The following RSPO2 variants were observed in gnomAD, a reference collection of about 807,000 sequenced individuals.
The protein encoded by RSPO2 is R-spondin 2, also known as R-spondin-2.
Under a neutral mutation model 30.9 loss-of-function variants are expected in RSPO2, and 14 were observed. The ratio of observed to expected loss-of-function variants is 0.45; its 90% CI spans 0.30 to 0.71. The LOEUF is 0.71. Among genes scored for constraint, RSPO2 ranks in the 30% least tolerant of loss-of-function variants. The pLI, the probability that RSPO2 is intolerant of heterozygous loss-of-function variation, is 0.08. For synonymous variants in RSPO2, 107 were observed against 96.4 expected, an observed-to-expected ratio of 1.11 and a Z score of -0.64; for missense variants, 264 against 301.9, an observed-to-expected ratio of 0.87 and a Z score of 0.93.
At chr8:108,027,849 TC>T (rs1490707896) in intron 2 of RSPO2, among the ~76,000 whole-genome samples, 1 of 152,114 alleles carries the variant, frequency 6.6e-6, no homozygotes. Context: ...ACTCTAAGAG[TC>T]AATGTAACCT....
chr8:108,033,496 C>T (rs1489045526), intron 2 of RSPO2, among the ~76,000 whole-genome samples: 1 of 152,166 alleles, frequency 6.6e-6, no homozygotes, highest in African/African-American at 2.4e-5. Context: ...GAGGCAGGTG[C>T]CATGTCTTTT....
At chr8:107,930,063 A>G (rs1157914462) in intron 5 of RSPO2, among the ~76,000 whole-genome samples, 1 of 152,182 alleles carries the variant, frequency 6.6e-6, no homozygotes, top group Non-Finnish European at 1.5e-5. Context: ...TCCTTAGTGG[A>G]CTGACATTAT....
intron 2 of RSPO2, among the ~76,000 whole-genome samples, chr8:108,060,863 C>G (rs201830546): frequency 2.6e-5 from 4 of 151,460 alleles, no homozygotes; most frequent in South Asian, 2.1e-4. Context: ...AGCCAGAAGA[C>G]AGTGGGGGCC....
chr8:108,066,587 C>G (rs775781287), intron 2 of RSPO2, among the ~76,000 whole-genome samples: 2 of 152,038 alleles, frequency 1.3e-5, no homozygotes, highest in Non-Finnish European at 2.9e-5. Flanking sequence ...ACCCACTGTC[C>G]CAGCTAAACA....
intron 5 of RSPO2, among the ~76,000 whole-genome samples, chr8:107,946,549 T>C (rs1353484307): frequency 6.6e-6 from 1 of 152,164 alleles, no homozygotes; most frequent in East Asian, 1.9e-4. Flanking sequence ...TGAATCATAG[T>C]TGAAGCCACA....
At chr8:107,994,428 T>C (rs1393975456) in intron 2 of RSPO2, among the ~76,000 whole-genome samples, 1 of 152,010 alleles carries the variant, frequency 6.6e-6, no homozygotes, top group Admixed American at 6.6e-5. Flanking sequence ...TGATGGGACA[T>C]GGTGGGAGAA....
rs73700389 is a variant in RSPO2, at chr8:108,073,600, A to G, written c.94+8945T>C. ...CACCAGCTGGAAAGCTACAACAGCT[A>G]TTTCTAAAACTATATATTAACTGTT... On this transcript the variant is annotated intron_variant, in intron 2 of 5. Coordinates refer to ENST00000276659, the MANE Select transcript of RSPO2 (RefSeq NM_178565.5). Among the ~76,000 whole-genome samples the G allele has an allele frequency of 4.6e-3, 707 of 152,352 alleles. 4 individuals are homozygous for G. Among genetic ancestry groups the G allele is most frequent in the African/African-American group, 0.015 (616 of 41,584 alleles).
intron 3 of RSPO2, among the ~76,000 whole-genome samples, chr8:107,975,411 T>A (rs980511103): frequency 1.3e-5 from 2 of 152,206 alleles, no homozygotes; most frequent in African/African-American, 4.8e-5. Context: ...TAGTATTATC[T>A]CCGCTACATA....
chr8:108,049,965 C>T (rs1586658424), intron 2 of RSPO2, among the ~76,000 whole-genome samples: 1 of 152,142 alleles, frequency 6.6e-6, no homozygotes, highest in East Asian at 1.9e-4. Context: ...CTTTAAAATC[C>T]TAACATTTAG....
chr8:108,044,418 C>T (rs1811847802), intron 2 of RSPO2, among the ~76,000 whole-genome samples: 1 of 152,048 alleles, frequency 6.6e-6, no homozygotes, highest in Non-Finnish European at 1.5e-5. Context: ...ATCTTCATTT[C>T]CATGTGTACC....
intron 5 of RSPO2, among the ~76,000 whole-genome samples, chr8:107,936,428 G>A (rs570688090): frequency 9.1e-4 from 138 of 152,190 alleles, no homozygotes; most frequent in Non-Finnish European, 1.6e-3. Flanking sequence ...GTTGATTTCT[G>A]AAGAAAATCA....
intron 2 of RSPO2, among the ~76,000 whole-genome samples, chr8:108,041,617 G>T (rs933324096): frequency 6.6e-6 from 1 of 152,154 alleles, no homozygotes; most frequent in Non-Finnish European, 1.5e-5. Context: ...AGATTAGTGG[G>T]CTTTCAGTGA....
In RSPO2 at chr8:108,075,689, T is replaced by A. The variant is rs201012846; in HGVS notation, c.94+6856A>T. On this transcript the variant is annotated intron_variant, in intron 2 of 5. Transcript: ENST00000276659. Reference sequence around the variant, plus strand: ...ATGCTTTTATACCTGTTTTTTTTTTTAATTTTTCTTTAAACTATAAAGAAT... The same window carrying A: ...ATGCTTTTATACCTGTTTTTTTTTTAAATTTTTCTTTAAACTATAAAGAAT... Among the ~76,000 whole-genome samples, 9 of 150,118 alleles carry A rather than the reference T, an allele frequency of 6.0e-5. No homozygotes were observed. The East Asian group carries it at 7.8e-4, about 13-fold the overall frequency.
chr8:108,059,116 T>C (rs895242159), intron 2 of RSPO2, among the ~76,000 whole-genome samples: 3 of 151,622 alleles, frequency 2.0e-5, no homozygotes, highest in African/African-American at 7.3e-5. Flanking sequence ...AAAGGGCTAA[T>C]ATCCAGAATC....
intron 2 of RSPO2, among the ~76,000 whole-genome samples, chr8:108,044,911 C>T (rs916200598): frequency 6.6e-6 from 1 of 152,050 alleles, no homozygotes; most frequent in African/African-American, 2.4e-5. Context: ...TACCTTTCAC[C>T]GTATACAAAA....
At chr8:108,011,201 AAAAGG>A (rs964200894) in intron 2 of RSPO2, among the ~76,000 whole-genome samples, 7 of 150,374 alleles carry the variant, frequency 4.7e-5, no homozygotes, top group Non-Finnish European at 7.4e-5. Flanking sequence ...AGGGAAAAGG[AAAAGG>A]AAAGGAAAGG....
At chr8:107,983,360 C>A in intron 3 of RSPO2, 1 of 1,609,522 alleles carries the variant, frequency 6.2e-7, no homozygotes, top group Non-Finnish European at 8.5e-7. Context: ...CAGGGTGAAG[C>A]AAGATTGAAA....
chr8:107,947,868 T>C (rs1357139809), intron 5 of RSPO2, among the ~76,000 whole-genome samples: 3 of 152,358 alleles, frequency 2.0e-5, no homozygotes, highest in Middle Eastern at 6.8e-3. Context: ...GTGACTGCCA[T>C]TCACAAATTC....
chr8:108,011,386 G>A (rs1346736064), intron 2 of RSPO2, among the ~76,000 whole-genome samples: 1 of 152,034 alleles, frequency 6.6e-6, no homozygotes, highest in Non-Finnish European at 1.5e-5. Flanking sequence ...AATATTAACA[G>A]TGATTACTAC....
Sources: gnomAD v4.1 joint callset for allele counts (sites outside exome capture counted in the v4.1 genomes callset) on GRCh38, gnomAD v4.1.1 for gene constraint, MANE v1.5 for transcripts, NCBI Gene and HGNC (gene_info 2026-07-23, HGNC 2026-07-21) for gene names.